The following KLHDC4 variants were observed in gnomAD, a reference collection of about 807,000 sequenced individuals.
The protein encoded by KLHDC4 is kelch domain containing 4, also known as kelch domain-containing protein 4.
KLHDC4 carries 90 observed loss-of-function variants against 62.4 expected under a neutral mutation model. That is an observed-to-expected ratio of 1.44 (90% CI 1.22 to 1.72). The LOEUF (loss-of-function observed/expected upper bound fraction) is 1.72, where lower values mean the gene tolerates loss of function less well. Among genes scored for constraint, KLHDC4 ranks in the 40% most tolerant of loss-of-function variants. The pLI, the probability that KLHDC4 is intolerant of heterozygous loss-of-function variation, is 0.00. For missense variants in KLHDC4, 1,025 were observed against 699.7 expected, an observed-to-expected ratio of 1.47 and a Z score of -5.25; for synonymous variants, 386 against 284.4, an observed-to-expected ratio of 1.36 and a Z score of -3.59.
At chr16:87,754,746 G>T (rs58656260) in intron 4 of KLHDC4, among the ~76,000 whole-genome samples, 2 of 151,958 alleles carry the variant, frequency 1.3e-5, no homozygotes, top group East Asian at 3.9e-4. Context: ...TGCTCTCCTG[G>T]GTAGGAAACC....
chr16:87,701,893 T>C (rs1008749207), exon 1 of KLHDC4: 19 of 456,184 alleles, frequency 4.2e-5, no homozygotes, highest in Non-Finnish European at 7.9e-5. Flanking sequence ...GAGTGGAGGA[T>C]GGGGCTCTGC....
chr16:87,719,109 G>A (rs961983481), intron 7 of KLHDC4, among the ~76,000 whole-genome samples: 46 of 151,908 alleles, frequency 3.0e-4, no homozygotes, highest in African/African-American at 1.1e-3. Flanking sequence ...GGATGCCTCT[G>A]CCCGGCTGCC....
At chr16:87,723,228 A>T (rs1380874832) in intron 7 of KLHDC4, among the ~76,000 whole-genome samples, 1 of 152,166 alleles carries the variant, frequency 6.6e-6, no homozygotes, top group African/African-American at 2.4e-5. Flanking sequence ...ACCATTCACA[A>T]CTCAAATCTC....
In KLHDC4 at chr16:87,748,735, C is replaced by T. The variant is rs776545825; in HGVS notation, c.444G>A (p.Gln148=). The part of the protein sequence containing the change: ...GGEFASPNGE[Q]FYHYKDLWVL... ...CCCAGAGATCCTTGTAGTGGTAGAA[C>T]TGCTCTCCGTTGGGAGAGGCAAACT... Residue 148 remains glutamine (Q), a synonymous_variant, in exon 5 of 12, where the codon CAG becomes CAA. Transcript: ENST00000270583. The T allele has an allele frequency of 1.9e-6, 3 of 1,613,636 alleles. No homozygotes were observed. The highest frequency in any genetic ancestry group is 1.1e-5 in the South Asian group (1 of 91,004).
At chr16:87,763,135 T>G (rs890415542) in intron 1 of KLHDC4, among the ~76,000 whole-genome samples, 9 of 152,224 alleles carry the variant, frequency 5.9e-5, no homozygotes, top group Non-Finnish European at 1.2e-4. Context: ...AAGACATTCC[T>G]GTATACGGTT....
At chr16:87,729,540 C>T (rs1328624451) in intron 6 of KLHDC4, among the ~76,000 whole-genome samples, 1 of 152,146 alleles carries the variant, frequency 6.6e-6, no homozygotes, top group Non-Finnish European at 1.5e-5. Context: ...ACAGGGATAA[C>T]CAGCTCCCCT....
At chr16:87,723,203 T>G (rs755163994) in intron 7 of KLHDC4, among the ~76,000 whole-genome samples, 17 of 152,194 alleles carry the variant, frequency 1.1e-4, no homozygotes, top group Non-Finnish European at 1.6e-4. Context: ...CTACTGACTT[T>G]TTTTTACACT....
chr16:87,732,989 A>C (rs60342167), intron 5 of KLHDC4, among the ~76,000 whole-genome samples: 91 of 131,490 alleles, frequency 6.9e-4, no homozygotes, highest in African/African-American at 2.7e-3. Context: ...CAGCTTCTAT[A>C]GGTGAAAAGG....
rs931315867 is a variant in KLHDC4, at chr16:87,757,138, G to A, written c.192-661C>T. ...ACCTCAGAACTGTCCTCTTTTAAGA[G>A]CCTATCCTGTCAAATCACCTCAAAA... On this transcript the variant is annotated intron_variant, in intron 2 of 11. Transcript: ENST00000270583. Among the ~76,000 whole-genome samples the A allele has an allele frequency of 1.7e-4, 26 of 151,684 alleles. 1 individual carries two copies. The highest frequency in any genetic ancestry group is 6.0e-4 in the African/African-American group (25 of 41,334).
intron 6 of KLHDC4, among the ~76,000 whole-genome samples, chr16:87,728,056 G>A (rs4843684): frequency 7.9e-5 from 12 of 151,958 alleles, no homozygotes; most frequent in Non-Finnish European, 1.0e-4. Flanking sequence ...GCATGGGGGC[G>A]GGTGCCTATA....
At chr16:87,721,344 G>T (rs1013055673) in intron 7 of KLHDC4, among the ~76,000 whole-genome samples, 4 of 151,518 alleles carry the variant, frequency 2.6e-5, no homozygotes, top group South Asian at 4.2e-4. Flanking sequence ...AACCCGGTGG[G>T]TGGAGCTTGC....
intron 7 of KLHDC4, among the ~76,000 whole-genome samples, chr16:87,718,339 CTCCT>C (rs1567685336): frequency 1.4e-5 from 1 of 69,516 alleles, no homozygotes; most frequent in African/African-American, 7.0e-5. Flanking sequence ...CCCTCCCCCT[CTCCT>C]CCCCCTCCCC....
intron 5 of KLHDC4, among the ~76,000 whole-genome samples, chr16:87,734,833 G>A (rs990999440): frequency 6.6e-6 from 1 of 152,108 alleles, no homozygotes; most frequent in Admixed American, 6.5e-5. Context: ...GCAGGGGACA[G>A]CACCATCCAG....
intron 5 of KLHDC4, among the ~76,000 whole-genome samples, chr16:87,745,723 A>C (rs1050505368): frequency 2.6e-5 from 4 of 152,126 alleles, no homozygotes; most frequent in African/African-American, 9.7e-5. Flanking sequence ...GGCCATGGGG[A>C]CAGTCAAGGC....
At chr16:87,761,221 C>A (rs921308877) in intron 2 of KLHDC4, among the ~76,000 whole-genome samples, 10 of 152,304 alleles carry the variant, frequency 6.6e-5, no homozygotes, top group African/African-American at 2.4e-4. Flanking sequence ...CGTGCTCCTC[C>A]CACCTCTGGG....
intron 5 of KLHDC4, among the ~76,000 whole-genome samples, chr16:87,744,068 C>T (rs1348954229): frequency 2.6e-5 from 4 of 152,094 alleles, no homozygotes; most frequent in African/African-American, 9.7e-5. Flanking sequence ...CACTTGAGGT[C>T]AGGAGTTCAA....
intron 6 of KLHDC4, among the ~76,000 whole-genome samples, chr16:87,730,294 G>C (rs1292990842): frequency 2.0e-5 from 3 of 152,224 alleles, no homozygotes; most frequent in Non-Finnish European, 4.4e-5. Flanking sequence ...TCATTTGCAG[G>C]ACCTGGTGTA....
chr16:87,764,830 C>CAAAA (rs35356541), intron 1 of KLHDC4, among the ~76,000 whole-genome samples: 8 of 80,454 alleles, frequency 9.9e-5, no homozygotes, highest in East Asian at 3.3e-4. Flanking sequence ...AAGACTCTGT[C>CAAAA]AAAAAAAAAA....
intron 1 of KLHDC4, among the ~76,000 whole-genome samples, chr16:87,764,528 A>C (rs1415482835): frequency 6.6e-6 from 1 of 151,694 alleles, no homozygotes; most frequent in Non-Finnish European, 1.5e-5. Flanking sequence ...GCATGCCTGT[A>C]ATCTCAGCTA....
Sources: gnomAD v4.1 joint callset for allele counts (sites outside exome capture counted in the v4.1 genomes callset) on GRCh38, gnomAD v4.1.1 for gene constraint, MANE v1.5 for transcripts, NCBI Gene and HGNC (gene_info 2026-07-23, HGNC 2026-07-21) for gene names.